TRANK1: variants seen among roughly 807,000 people sequenced by gnomAD.
TRANK1 encodes tetratricopeptide repeat and ankyrin repeat containing 1.
TRANK1 carries 198 observed loss-of-function variants against 266.0 expected under a neutral mutation model. The ratio of observed to expected loss-of-function variants is 0.74; its 90% CI spans 0.66 to 0.84. The LOEUF (loss-of-function observed/expected upper bound fraction) is 0.84. Among genes scored for constraint, TRANK1 ranks in the 40% least tolerant of loss-of-function variants. The pLI is 0.00. For missense variants in TRANK1, 3,326 were observed against 3,634.6 expected (o/e 0.92, Z 2.18); for synonymous variants, 1,396 against 1,384.1 (o/e 1.01, Z -0.19).
chr3:36,941,872 C>A (rs1470935239), intron 1 of TRANK1, among the ~76,000 whole-genome samples: 1 of 152,160 alleles, frequency 6.6e-6, no homozygotes, highest in African/African-American at 2.4e-5. Flanking sequence ...AAGCAATGAG[C>A]CTGCGGTCAC....
intron 7 of TRANK1, 115 bp downstream of exon 7, chr3:36,892,087 T>C (rs1220626284): frequency 8.2e-7 from 1 of 1,224,668 alleles, no homozygotes; most frequent in Non-Finnish European, 1.1e-6. Flanking sequence ...ATCATTTGAA[T>C]ATTCAAATGG....
intron 11 of TRANK1, among the ~76,000 whole-genome samples, chr3:36,860,076 T>G (rs2079119833): frequency 6.6e-6 from 1 of 152,206 alleles, no homozygotes. Flanking sequence ...TATGTGTTAT[T>G]GATAACACAT....
intron 2 of TRANK1, among the ~76,000 whole-genome samples, chr3:36,903,821 A>G (rs1301300140): frequency 1.3e-5 from 2 of 152,230 alleles, no homozygotes; most frequent in Non-Finnish European, 2.9e-5. Context: ...GTCTAGAGGT[A>G]ATATAGCTGC....
At chr3:36,923,571 A>C in intron 1 of TRANK1, among the ~76,000 whole-genome samples, 1 of 151,566 alleles carries the variant, frequency 6.6e-6, no homozygotes, top group African/African-American at 2.4e-5. Flanking sequence ...AAATTCTTTT[A>C]CCCCCATGCC....
chr3:36,857,276 C>A lies in TRANK1; in HGVS notation c.2446G>T (p.Asp816Tyr). ...RGKEGNDDQD[D>Y]WSTQEIEACL... is the part of the protein sequence containing the mutation. ...GCCTCAATCTCCTGCGTGCTCCAGTCATCCTGATCATCATTGCCCTCCTTC... is the reference window on the plus strand; with the variant it reads ...GCCTCAATCTCCTGCGTGCTCCAGTAATCCTGATCATCATTGCCCTCCTTC... Residue 816 changes from aspartate to tyrosine, a missense_variant, in exon 13 of 24, where the codon GAC (aspartate) becomes TAC (tyrosine). Transcript: ENST00000645898. The surrounding 1 kb of genome is among the most constrained non-coding windows in gnomAD (Gnocchi z 4.3). 1 of 1,610,450 alleles carries A rather than the reference C, an allele frequency of 6.2e-7. No homozygotes were observed. Among genetic ancestry groups the A allele is most frequent in the Non-Finnish European group, 8.5e-7 (1 of 1,178,132 alleles).
At chr3:36,914,969 GAGAA>G in intron 1 of TRANK1, among the ~76,000 whole-genome samples, 1 of 144,666 alleles carries the variant, frequency 6.9e-6, no homozygotes, top group East Asian at 2.1e-4. Flanking sequence ...TTTGTTTTTT[GAGAA>G]AGAGTCTCAT....
At chr3:36,860,704 A>G (rs534381376) in intron 11 of TRANK1, among the ~76,000 whole-genome samples, 1 of 152,340 alleles carries the variant, frequency 6.6e-6, no homozygotes, top group East Asian at 1.9e-4. Flanking sequence ...TGGAATTCAC[A>G]AAAATGCAGA....
intron 10 of TRANK1, among the ~76,000 whole-genome samples, chr3:36,861,985 G>A (rs767110147): frequency 2.0e-5 from 3 of 152,192 alleles, no homozygotes; most frequent in Non-Finnish European, 2.9e-5. Context: ...GATTACAGGC[G>A]TGAGCCACTG....
At chr3:36,870,511 C>T (rs1315563280) in intron 9 of TRANK1, among the ~76,000 whole-genome samples, 1 of 152,006 alleles carries the variant, frequency 6.6e-6, no homozygotes, top group African/African-American at 2.4e-5. Flanking sequence ...AACTTCTCCT[C>T]TTTACAGATT....
intron 15 of TRANK1, among the ~76,000 whole-genome samples, chr3:36,848,750 T>C (rs1434362259): frequency 6.6e-6 from 1 of 152,238 alleles, no homozygotes; most frequent in African/African-American, 2.4e-5. Flanking sequence ...GACATATTTG[T>C]GACTGTCCTT....
chr3:36,855,927 GT>G lies in TRANK1; in HGVS notation c.3794del (p.Asn1265ThrfsTer6). ...TGGTTCTTTTCAAGCTTCCATCTTCGTTTCTCAGAAAAAATGGTTTGGGCAG... is the reference window on the plus strand; with the variant it reads ...TGGTTCTTTTCAAGCTTCCATCTTCGTTCTCAGAAAAAATGGTTTGGGCAG... ...ASLPKPFFLRNEDGSLKRTII... is the reference protein window; with the variant it reads ...ASLPKPFFLRXEDGSLKRTII... On this transcript the variant is annotated frameshift_variant, in exon 13 of 24. Coordinates refer to ENST00000645898, the MANE Select transcript of TRANK1 (RefSeq NM_001329998.2). LOFTEE classifies it high-confidence loss of function. The G allele has an allele frequency of 6.2e-7, 1 of 1,613,304 alleles. No individual in the cohort carries two copies. The highest frequency in any genetic ancestry group is 8.5e-7 in the Non-Finnish European group (1 of 1,179,812).
intron 23 of TRANK1, among the ~76,000 whole-genome samples, chr3:36,829,153 G>A (rs1041400675): frequency 2.0e-5 from 3 of 152,156 alleles, no homozygotes; most frequent in South Asian, 2.1e-4. Context: ...ATCCCCAGGC[G>A]CAGAACAACA....
chr3:36,892,096 G>A (rs564006606), intron 7 of TRANK1, 106 bp downstream of exon 7: 7 of 1,269,850 alleles, frequency 5.5e-6, no homozygotes, highest in Non-Finnish European at 3.2e-6. Context: ...ATATTCAAAT[G>A]GTCTGCATTC....
intron 15 of TRANK1, chr3:36,850,355 C>T (rs1197333287): frequency 6.1e-6 from 6 of 985,292 alleles, no homozygotes; most frequent in Non-Finnish European, 7.2e-6. Context: ...ATTCAATTCG[C>T]ATGCGAGGCT....
At chr3:36,876,695 A>G (rs1366808473) in intron 8 of TRANK1, among the ~76,000 whole-genome samples, 1 of 152,260 alleles carries the variant, frequency 6.6e-6, no homozygotes, top group African/African-American at 2.4e-5. Context: ...TCATTAGAAC[A>G]TAGTTATTTC....
chr3:36,925,411 G>A (rs2080274093), intron 1 of TRANK1, among the ~76,000 whole-genome samples: 1 of 151,846 alleles, frequency 6.6e-6, no homozygotes, highest in African/African-American at 2.4e-5. Context: ...TAAATTTACT[G>A]TTACCAAGTT....
chr3:36,835,904 C>T (rs2078765006), intron 20 of TRANK1, among the ~76,000 whole-genome samples: 1 of 152,152 alleles, frequency 6.6e-6, no homozygotes, highest in East Asian at 1.9e-4. Flanking sequence ...AAAAAGAACT[C>T]TTGCAACCAC....
At chr3:36,852,780 A>C in intron 13 of TRANK1, among the ~76,000 whole-genome samples, 1 of 60,278 alleles carries the variant, frequency 1.7e-5, no homozygotes, top group East Asian at 2.3e-4. Flanking sequence ...TCAATTAAAA[A>C]AAAAAAAAAA....
intron 15 of TRANK1, chr3:36,851,463 A>C: frequency 8.2e-7 from 1 of 1,225,824 alleles, no homozygotes; most frequent in Non-Finnish European, 1.0e-6. Context: ...GGACACTGGC[A>C]CTTGGGTACT....
Sources: gnomAD v4.1 joint callset for allele counts (sites outside exome capture counted in the v4.1 genomes callset) on GRCh38, gnomAD v4.1.1 for gene constraint, Gnocchi (gnomAD v3.1) non-coding constraint, MANE v1.5 for transcripts, NCBI Gene and HGNC (gene_info 2026-07-23, HGNC 2026-07-21) for gene names.